Variants in GMPS observed in about 807,000 individuals in gnomAD.
GMPS encodes guanosine monophosphate synthase, also known as GMP synthase [glutamine-hydrolyzing].
GMPS carries 15 observed loss-of-function variants against 77.9 expected under a neutral mutation model. The observed-to-expected ratio is 0.19, with a 90% CI of 0.13 to 0.30. The LOEUF (loss-of-function observed/expected upper bound fraction) is 0.30. Among genes scored for constraint, GMPS ranks in the 10% least tolerant of loss-of-function variants. The pLI is 1.00. For synonymous variants in GMPS, 224 were observed against 275.9 expected, an observed-to-expected ratio of 0.81 and a Z score of 1.86; for missense variants, 590 against 838.8, an observed-to-expected ratio of 0.70 and a Z score of 3.66.
chr3:155,927,272 G>A (rs1021542710), intron 12 of GMPS, among the ~76,000 whole-genome samples: 9 of 152,112 alleles, frequency 5.9e-5, no homozygotes, highest in Admixed American at 1.3e-4. Flanking sequence ...CTTACAGGCA[G>A]TATTACCCTA....
At chr3:155,893,414 A>T (rs1256421774) in intron 1 of GMPS, 104 bp from the exon 2 acceptor site, 1 of 716,406 alleles carries the variant, frequency 1.4e-6, no homozygotes, top group African/African-American at 1.8e-5. Flanking sequence ...CTAAGTTTTC[A>T]TTCCTATGTG....
rs1560056329 is a variant in GMPS at position 155,937,798 on chromosome 3, T to A, written c.*106T>A. 1.5e-6 allele frequency: 1 copy of A among 645,464 alleles called. No individual in the cohort carries two copies. Among genetic ancestry groups the A allele is most frequent in the Non-Finnish European group, 2.8e-6 (1 of 361,766 alleles). 40.0% of individuals were successfully genotyped at this position (645,464 alleles called of 1,614,324 possible). ...GAAAAGAGTTACTGGAGCAGCTACA[T>A]CACATCTGAGTTCTCCACAGCAAAA... On this transcript the variant is annotated 3_prime_UTR_variant, in exon 16 of 16. Transcript: ENST00000496455.
intron 12 of GMPS, among the ~76,000 whole-genome samples, chr3:155,926,970 C>T (rs1427046385): frequency 1.3e-5 from 2 of 151,004 alleles, no homozygotes; most frequent in Non-Finnish European, 2.9e-5. Flanking sequence ...GCCAAGATTG[C>T]GCCATTGCAC....
chr3:155,937,359 A>G (rs1219517323), intron 15 of GMPS, among the ~76,000 whole-genome samples: 1 of 152,240 alleles, frequency 6.6e-6, no homozygotes, highest in East Asian at 1.9e-4. Flanking sequence ...TGTGGATCAC[A>G]CTTTGAGTAG....
intron 1 of GMPS, among the ~76,000 whole-genome samples, chr3:155,890,876 T>G (rs1227886925): frequency 6.6e-6 from 1 of 152,252 alleles, no homozygotes; most frequent in African/African-American, 2.4e-5. Context: ...ACTTTTCATT[T>G]CTTTGCTGCA....
rs1370061218 is a variant in GMPS at position 155,937,525 on chromosome 3, G to A, written c.1981-66G>A. The A allele has an allele frequency of 5.5e-6, 4 of 728,332 alleles. No individual in the cohort carries two copies. The Admixed American group carries it at 6.8e-5, about 12-fold the overall frequency. The allele number at this position is 728,332 out of a possible 1,614,324, so 45.1% of individuals were successfully genotyped here. On this transcript the variant is annotated intron_variant, in intron 15 of 15. Transcript: ENST00000496455. ...CAAATTTTAATTTCAAATTACAAAT[G>A]TAAGCCCTCTAGGACTGCTGGACAT...
intron 1 of GMPS, among the ~76,000 whole-genome samples, chr3:155,885,444 A>G (rs1754314230): frequency 6.6e-6 from 1 of 152,238 alleles, no homozygotes; most frequent in Admixed American, 6.5e-5. Context: ...GCAACATGAA[A>G]CAGTTGGTAA....
chr3:155,898,997 G>A (rs1183658089), intron 3 of GMPS, among the ~76,000 whole-genome samples: 1 of 152,218 alleles, frequency 6.6e-6, no homozygotes, highest in African/African-American at 2.4e-5. Flanking sequence ...TTGGGAGGCC[G>A]AGGCGGGTGG....
chr3:155,932,648 A>G (rs1294126785), intron 13 of GMPS, among the ~76,000 whole-genome samples: 4 of 152,160 alleles, frequency 2.6e-5, no homozygotes, highest in Non-Finnish European at 5.9e-5. Context: ...AGTTTTCTTC[A>G]TGGGTGTTAG....
intron 12 of GMPS, 47 bp downstream of exon 12, chr3:155,925,413 T>G (rs752154966): frequency 1.4e-5 from 20 of 1,473,526 alleles, no homozygotes; most frequent in Non-Finnish European, 1.6e-5. Flanking sequence ...TTTTTTTTTT[T>G]TCTTTTCTTG....
chr3:155,917,740 G>A (rs181203265), intron 9 of GMPS, among the ~76,000 whole-genome samples: 25 of 152,202 alleles, frequency 1.6e-4, no homozygotes, highest in Admixed American at 1.6e-3. Context: ...AGGCGTGATG[G>A]CGGGCATCTA....
chr3:155,925,400 CTTTTT>C, intron 12 of GMPS, 34 bp downstream of exon 12: 7 of 1,249,160 alleles, frequency 5.6e-6, no homozygotes, highest in South Asian at 1.5e-5. Flanking sequence ...CAGTGATATA[CTTTTT>C]TTTTTTTTTC....
Position 155,941,871 on chromosome 3 carries a change from A to G in GMPS, c.*4179A>G, listed in dbSNP as rs1577543464. 4.7e-6 allele frequency: 1 copy of G among 214,248 alleles called. No individual in the cohort carries two copies. Among genetic ancestry groups the G allele is most frequent in the Non-Finnish European group, 9.4e-6 (1 of 106,012 alleles). The allele number at this position is 214,248 out of a possible 1,614,324, so 13.3% of individuals were successfully genotyped here. A position where few individuals can be genotyped will look rare whatever the true frequency, so the allele number is the denominator to read the frequency against. On this transcript the variant is annotated 3_prime_UTR_variant, in exon 16 of 16. Coordinates refer to ENST00000496455, the MANE Select transcript of GMPS (RefSeq NM_003875.3). Reference sequence around the variant, plus strand: ...ACGTTTCACTTAATGGCAAGTGAAGAGATATAGAATCCCCCAAAGAGTGTC... The same window carrying G: ...ACGTTTCACTTAATGGCAAGTGAAGGGATATAGAATCCCCCAAAGAGTGTC...
chr3:155,892,654 A>G (rs1754499824), intron 1 of GMPS, among the ~76,000 whole-genome samples: 1 of 152,232 alleles, frequency 6.6e-6, no homozygotes, highest in African/African-American at 2.4e-5. Context: ...TTTTTGAGAC[A>G]GAATTTTGCT....
At chr3:155,901,653 AT>A (rs201295317) in intron 3 of GMPS, among the ~76,000 whole-genome samples, 5,227 of 146,474 alleles carry the variant, frequency 0.036, 153 homozygotes, top group African/African-American at 0.079. Flanking sequence ...ACATGATTAG[AT>A]TTTTTTTTTT....
Position 155,941,608 on chromosome 3 carries a change from A to T in GMPS, c.*3916A>T, listed in dbSNP as rs62287809. 15,908 of 221,534 alleles carry T rather than the reference A, an allele frequency of 0.072. 696 individuals carry two copies. Among genetic ancestry groups the T allele is most frequent in the South Asian group, 0.17 (926 of 5,430 alleles). The allele number at this position is 221,534 out of a possible 1,614,324, so 13.7% of individuals were successfully genotyped here. A position where few individuals can be genotyped will look rare whatever the true frequency, so the allele number is the denominator to read the frequency against. On this transcript the variant is annotated 3_prime_UTR_variant, in exon 16 of 16. Coordinates refer to ENST00000496455, the MANE Select transcript of GMPS (RefSeq NM_003875.3). ...GAAATCTCATTGATATGTGGCGAGG[A>T]CACGCCTTAGCTATCACCCCAATGG... is the stretch of plus-strand genomic sequence containing the variant.
intron 13 of GMPS, among the ~76,000 whole-genome samples, chr3:155,934,519 C>T (rs1452306796): frequency 6.6e-6 from 1 of 152,176 alleles, no homozygotes; most frequent in Non-Finnish European, 1.5e-5. Flanking sequence ...TAGAGCCCAT[C>T]CTAATCCAGT....
chr3:155,877,954 A>G lies in GMPS; in HGVS notation c.27+7057A>G, dbSNP rs557472695. On this transcript the variant is annotated intron_variant, in intron 1 of 15. Transcript: ENST00000496455. ...ATGCCCAGCTAATTTTTGTATTTTT[A>G]GTAGCAACGGGGTTTTGCTATGTTG... 3.3e-5 allele frequency among the ~76,000 whole-genome samples: 5 copies of G among 152,142 alleles called. No individual in the cohort carries two copies. In the South Asian group the frequency reaches 8.3e-4, roughly 25 times the overall value.
chr3:155,925,203 T>C (rs1755421476), intron 11 of GMPS, 38 bp from the exon 12 acceptor site: 7 of 1,581,630 alleles, frequency 4.4e-6, no homozygotes, highest in Non-Finnish European at 6.0e-6. Flanking sequence ...ATACCTTATT[T>C]CTTAAAACTG....
Sources: allele counts gnomAD v4.1 joint callset (sites outside exome capture counted in the v4.1 genomes callset), GRCh38; gene constraint gnomAD v4.1.1; transcripts MANE v1.5; gene names NCBI Gene and HGNC (gene_info 2026-07-23, HGNC 2026-07-21).